The following NEK5 variants were observed in gnomAD, a reference collection of about 807,000 sequenced individuals.
NEK5 encodes the protein NIMA related kinase 5.
In NEK5, 88 loss-of-function variants were observed where a neutral mutation model predicts 109.2. The observed-to-expected ratio is 0.81, with a 90% CI of 0.68 to 0.96. The LOEUF is 0.96. Among genes scored for constraint, NEK5 ranks in the 40% least tolerant of loss-of-function variants. NEK5 has a pLI of 0.00. For synonymous variants in NEK5, 283 were observed against 299.9 expected (o/e 0.94, Z 0.58); for missense variants, 834 against 920.7 (o/e 0.91, Z 1.22).
chr13:52,082,448 T>C (rs1955034146), intron 17 of NEK5: 1 of 573,898 alleles, frequency 1.7e-6, no homozygotes, highest in Non-Finnish European at 2.4e-6. Flanking sequence ...AAACATTTTA[T>C]GTAATTATTT....
At chr13:52,091,016 ACT>A (rs1366124719) in intron 13 of NEK5, among the ~76,000 whole-genome samples, 4 of 150,326 alleles carry the variant, frequency 2.7e-5, no homozygotes, top group African/African-American at 7.3e-5. Flanking sequence ...ACAGAGCGAG[ACT>A]CTGTCTCAAA....
intron 3 of NEK5, among the ~76,000 whole-genome samples, chr13:52,123,297 T>C (rs984507138): frequency 6.6e-6 from 1 of 152,210 alleles, no homozygotes; most frequent in African/African-American, 2.4e-5. Context: ...TAATATAAGA[T>C]TCTACTTATT....
intron 22 of NEK5, among the ~76,000 whole-genome samples, chr13:52,056,139 T>C (rs1455829673): frequency 6.6e-6 from 1 of 151,318 alleles, no homozygotes; most frequent in Non-Finnish European, 1.5e-5. Context: ...AAAGGCAGGG[T>C]TGCAATCCTA....
At position 52,041,886 on chromosome 13, in the gene NEK5, C is replaced by A. The variant is rs550645224; in HGVS notation, c.2229-4668G>T. On this transcript the variant is annotated intron_variant, in intron 23 of 23. Coordinates refer to ENST00000684899, the MANE Select transcript of NEK5 (RefSeq NM_001365552.1). ...ATCAAAATGGATGCAATAAGAAAAG[C>A]AAATATTAAAATTTTCCAGAACTAA... 3.3e-5 allele frequency among the ~76,000 whole-genome samples: 5 copies of A among 151,460 alleles called. No homozygotes were observed. In the South Asian group the frequency reaches 1.0e-3, roughly 32 times the overall value.
chr13:52,109,999 A>G (rs182733717), intron 7 of NEK5, among the ~76,000 whole-genome samples: 2 of 152,344 alleles, frequency 1.3e-5, no homozygotes, highest in African/African-American at 4.8e-5. Context: ...TTGGCTCAGA[A>G]TAAATCTCTT....
intron 23 of NEK5, among the ~76,000 whole-genome samples, chr13:52,043,792 G>A (rs1288688607): frequency 6.6e-6 from 1 of 152,184 alleles, no homozygotes; most frequent in East Asian, 1.9e-4. Context: ...ACCATACCAA[G>A]TGTTGGTAAG....
At chr13:52,041,677 G>A (rs1051034626) in intron 23 of NEK5, among the ~76,000 whole-genome samples, 2 of 124,032 alleles carry the variant, frequency 1.6e-5, no homozygotes, top group African/African-American at 3.0e-5. Context: ...GCAGTGAGCC[G>A]AGATCACACC....
intron 17 of NEK5, among the ~76,000 whole-genome samples, chr13:52,080,718 C>A (rs554808032): frequency 3.7e-4 from 56 of 152,056 alleles, no homozygotes; most frequent in Admixed American, 1.0e-3. Flanking sequence ...GTCATCACCA[C>A]TCCCTAATCT....
chr13:52,081,239 A>T (rs1955007228), intron 17 of NEK5, among the ~76,000 whole-genome samples: 1 of 152,266 alleles, frequency 6.6e-6, no homozygotes, highest in Admixed American at 6.5e-5. Context: ...CCTTCAAAAA[A>T]GATAATTAAA....
intron 11 of NEK5, among the ~76,000 whole-genome samples, chr13:52,101,497 G>C (rs1955530056): frequency 6.6e-6 from 1 of 152,092 alleles, no homozygotes; most frequent in Admixed American, 6.6e-5. Context: ...TTATCAATTA[G>C]GCCCCAAGAT....
rs767049962 is a variant in NEK5, at chr13:52,101,968, G to A, written c.857C>T (p.Ala286Val). ...FSHMLICRAG[A>V]PASRHAGKVV... ...CTTCCCAGCATGTCGAGAAGCTGGCGCTCCTGCTCTGCATATAAGCATGTG... is the reference window on the plus strand; with the variant it reads ...CTTCCCAGCATGTCGAGAAGCTGGCACTCCTGCTCTGCATATAAGCATGTG... Residue 286 changes from alanine (A) to valine (V), a missense_variant, in exon 11 of 24, where the codon GCG (alanine) becomes GTG (valine). This residue lies in a region of NEK5 where 777 missense variants were observed against 824.7 expected (regional missense o/e 0.94). Coordinates refer to ENST00000684899, the MANE Select transcript of NEK5 (RefSeq NM_001365552.1). 2.7e-5 allele frequency: 44 copies of A among 1,613,956 alleles called. No individual in the cohort carries two copies. The highest frequency in any genetic ancestry group is 5.3e-5 in the African/African-American group (4 of 74,898).
At chr13:52,107,398 C>T (rs956249303) in intron 8 of NEK5, among the ~76,000 whole-genome samples, 2 of 152,068 alleles carry the variant, frequency 1.3e-5, no homozygotes, top group Admixed American at 1.3e-4. Flanking sequence ...TGAGACCAGC[C>T]TGGACAACAT....
chr13:52,051,361 G>A (rs975253353), intron 22 of NEK5, among the ~76,000 whole-genome samples: 1 of 152,068 alleles, frequency 6.6e-6, no homozygotes, highest in African/African-American at 2.4e-5. Flanking sequence ...AATAACACGT[G>A]AAGGAATCTG....
intron 3 of NEK5, among the ~76,000 whole-genome samples, chr13:52,125,266 T>C (rs371317723): frequency 2.4e-4 from 37 of 152,280 alleles, no homozygotes; most frequent in African/African-American, 8.9e-4. Flanking sequence ...AGCAATAGAT[T>C]AATAACATAG....
chr13:52,108,333 G>A lies in NEK5; in HGVS notation c.539C>T (p.Pro180Leu). 6.2e-7 allele frequency: 1 copy of A among 1,608,836 alleles called. No individual in the cohort carries two copies. Among genetic ancestry groups the A allele is most frequent in the Non-Finnish European group, 8.5e-7 (1 of 1,176,132 alleles). Residue 180 changes from proline (P) to leucine (L), a missense_variant, in exon 8 of 24, where the codon CCC becomes CTC. Physicochemically the swap from Pro to Leu is moderately conservative, Grantham distance 98. Around this residue, in one of 2 missense-constraint regions of NEK5, gnomAD observed 777 missense variants for 824.7 expected, o/e 0.94. Transcript: ENST00000684899. ...YLSPEICQNK[P>L]YNNKTDIWSL... ...AGCAACTTACGTTTTATTGTTGTAG[G>A]GTTTATTCTGACAGATCTCTGGGGA...
intron 12 of NEK5, among the ~76,000 whole-genome samples, chr13:52,096,050 C>T (rs1203910354): frequency 6.6e-6 from 1 of 152,164 alleles, no homozygotes; most frequent in Non-Finnish European, 1.5e-5. Context: ...CTCTTTTCCT[C>T]CTGCATGTAA....
chr13:52,059,194 C>T (rs1954589396), intron 22 of NEK5, among the ~76,000 whole-genome samples: 1 of 64,932 alleles, frequency 1.5e-5, no homozygotes, highest in African/African-American at 6.0e-5. Flanking sequence ...CCAAAAAACA[C>T]ATGAAAAAAT....
chr13:52,066,991 C>T (rs923377113), intron 20 of NEK5, among the ~76,000 whole-genome samples: 4 of 152,136 alleles, frequency 2.6e-5, no homozygotes, highest in African/African-American at 9.7e-5. Context: ...TCTTTTCACG[C>T]TGACTTGTGA....
At position 52,036,714 on chromosome 13, in the gene NEK5, C is replaced by A. The variant is rs1954364178; in HGVS notation, c.*234G>T. On this transcript the variant is annotated 3_prime_UTR_variant, in exon 24 of 24. Transcript: ENST00000684899. ...AACTCCTGACCTCATGATCTGCCTG[C>A]CTTGGCCTCCCAAAGTGATGAGACT... 1 of 153,486 alleles carries A rather than the reference C, an allele frequency of 6.5e-6. No homozygotes were observed. Among genetic ancestry groups the A allele is most frequent in the African/African-American group, 2.4e-5 (1 of 41,446 alleles). 9.5% of individuals were successfully genotyped at this position (153,486 alleles called of 1,614,324 possible). A position where few individuals can be genotyped will look rare whatever the true frequency, so the allele number is the denominator to read the frequency against.
Sources: allele counts gnomAD v4.1 joint callset (sites outside exome capture counted in the v4.1 genomes callset), GRCh38; gene constraint gnomAD v4.1.1; regional missense constraint gnomAD v4.1.1; transcripts MANE v1.5; gene names NCBI Gene and HGNC (gene_info 2026-07-23, HGNC 2026-07-21).